HERC2: variants seen among roughly 807,000 people sequenced by gnomAD.
HERC2 encodes the protein HECT and RLD domain containing E3 ubiquitin protein ligase 2.
In HERC2, 102 loss-of-function variants were observed where a neutral mutation model predicts 537.7. That is an observed-to-expected ratio of 0.19 (90% CI 0.16 to 0.22). HERC2 has a LOEUF of 0.22. Ranked by LOEUF, HERC2 falls within the 10% of genes least tolerant of loss-of-function variation. HERC2 has a pLI of 1.00. For synonymous variants in HERC2, 2,224 were observed against 2,466.2 expected (o/e 0.90, Z 2.91); for missense variants, 4,236 against 6,198.2 (o/e 0.68, Z 10.63).
chr15:28,120,305 T>C (rs188973574), intron 86 of HERC2, among the ~76,000 whole-genome samples: 211 of 152,364 alleles, frequency 1.4e-3, no homozygotes, highest in African/African-American at 4.9e-3. Flanking sequence ...GTTTCGTGTC[T>C]TAATTCAAAA....
At chr15:28,201,864 T>A (rs185307537) in intron 47 of HERC2, among the ~76,000 whole-genome samples, 87 of 152,272 alleles carry the variant, frequency 5.7e-4, no homozygotes, top group Admixed American at 1.5e-3. Context: ...CTACCGAAGA[T>A]CATGAGATGT....
chr15:28,115,527 T>G lies in HERC2; in HGVS notation c.13624A>C (p.Ile4542Leu). 6.2e-7 allele frequency: 1 copy of G among 1,613,682 alleles called. No individual in the cohort carries two copies. The highest frequency in any genetic ancestry group is 2.2e-5 in the East Asian group (1 of 44,842). Residue 4542 changes from isoleucine (I) to leucine (L), a missense_variant, in exon 89 of 93, where the codon ATT becomes CTT. Physicochemically the swap from Ile to Leu is conservative, Grantham distance 5. Transcript: ENST00000261609. Reference protein sequence around the residue: ...MFRFLGVLLGIAIRTGSPLSL... With the variant: ...MFRFLGVLLGLAIRTGSPLSL... The stretch of plus-strand genomic sequence containing the variant: ...AGGGGACTCCCGGTTCGGATGGCAA[T>G]GCCCAGCAACACACCTGATCATTCA...
chr15:28,157,276 A>C (rs2142385569), intron 69 of HERC2, among the ~76,000 whole-genome samples: 1 of 152,244 alleles, frequency 6.6e-6, no homozygotes, highest in Non-Finnish European at 1.5e-5. Context: ...GTTAGGGAGG[A>C]TTCCCTCTTT....
chr15:28,248,283 A>G (rs1300409894), intron 21 of HERC2, among the ~76,000 whole-genome samples: 1 of 152,228 alleles, frequency 6.6e-6, no homozygotes, highest in Non-Finnish European at 1.5e-5. Context: ...CAAATCTGAT[A>G]AATCTTCTGT....
At chr15:28,209,940 C>CCTT (rs1293245154) in intron 44 of HERC2, among the ~76,000 whole-genome samples, 1 of 77,344 alleles carries the variant, frequency 1.3e-5, no homozygotes, top group Non-Finnish European at 2.2e-5. Context: ...AATACATTAT[C>CCTT]TTTTTTTTTT....
chr15:28,144,015 T>C, intron 73 of HERC2, 24 bp from the exon 74 acceptor site: 13 of 1,614,126 alleles, frequency 8.1e-6, no homozygotes, highest in Non-Finnish European at 1.1e-5. Context: ...AGAGAAAGTA[T>C]CAGAAGTCTG....
chr15:28,244,365 G>A (rs147927194), intron 23 of HERC2, among the ~76,000 whole-genome samples: 1 of 152,242 alleles, frequency 6.6e-6, no homozygotes, highest in Admixed American at 6.5e-5. Context: ...TGAAGTCCGA[G>A]AACAGACAGA....
At chr15:28,127,391 C>T (rs1464575231) in intron 83 of HERC2, among the ~76,000 whole-genome samples, 3 of 152,094 alleles carry the variant, frequency 2.0e-5, no homozygotes, top group South Asian at 2.1e-4. Context: ...GTGGCCAAAT[C>T]GCCAGAAAAG....
Position 28,245,888 on chromosome 15 carries a change from G to C in HERC2, c.3570C>G (p.Gly1190=). 1 of 1,613,662 alleles carries C rather than the reference G, an allele frequency of 6.2e-7. No homozygotes were observed. The highest frequency in any genetic ancestry group is 1.3e-5 in the African/African-American group (1 of 75,012). Residue 1190 remains glycine (G), a synonymous_variant, in exon 23 of 93, where the codon GGC becomes GGG. Coordinates refer to ENST00000261609, the MANE Select transcript of HERC2 (RefSeq NM_004667.6). ...RDDHEELAWP[G]IMESFFTGQN... is the part of the protein sequence containing the mutation. ...TCCTTTAAGACGCCGTACCCATTATGCCAGGCCAGGCTAACTCTTCATGAT... is the reference window on the plus strand; with the variant it reads ...TCCTTTAAGACGCCGTACCCATTATCCCAGGCCAGGCTAACTCTTCATGAT...
chr15:28,171,006 C>T (rs1894640250), intron 65 of HERC2, among the ~76,000 whole-genome samples: 1 of 152,230 alleles, frequency 6.6e-6, no homozygotes, highest in Non-Finnish European at 1.5e-5. Context: ...AAAACTGGAT[C>T]ATCCTCCACT....
intron 69 of HERC2, among the ~76,000 whole-genome samples, chr15:28,160,878 C>T (rs1893528353): frequency 6.6e-6 from 1 of 152,166 alleles, no homozygotes; most frequent in Non-Finnish European, 1.5e-5. Context: ...TTGGCACCGC[C>T]CCCCGCTCAG....
chr15:28,175,400 C>T (rs1274989715), intron 64 of HERC2, 112 bp downstream of exon 64: 5 of 1,054,528 alleles, frequency 4.7e-6, no homozygotes, highest in African/African-American at 4.7e-5. Context: ...AGCAGTAAGA[C>T]TCAGCTGATT....
chr15:28,275,395 G>A (rs2075844533), intron 5 of HERC2, among the ~76,000 whole-genome samples: 1 of 152,188 alleles, frequency 6.6e-6, no homozygotes, highest in Admixed American at 6.5e-5. Flanking sequence ...AGCCGCAGAG[G>A]GTAGCCTGGC....
In HERC2 at chr15:28,228,279, G is replaced by C; in HGVS notation, c.5403C>G (p.Asn1801Lys). 1 of 1,613,344 alleles carries C rather than the reference G, an allele frequency of 6.2e-7. No homozygotes were observed. The highest frequency in any genetic ancestry group is 8.5e-7 in the Non-Finnish European group (1 of 1,179,880). Residue 1801 changes from asparagine (N) to lysine (K), a missense_variant, in exon 35 of 93, where the codon AAC becomes AAG. By Grantham distance (94) the Asn-to-Lys change is moderately conservative. This residue lies in a region of HERC2 where 343 missense variants were observed against 417.2 expected (regional missense o/e 0.82). Coordinates refer to ENST00000261609, the MANE Select transcript of HERC2 (RefSeq NM_004667.6). The part of the protein sequence containing the change: ...SMLTLQHGAN[N>K]LDLLLNSGML... The stretch of plus-strand genomic sequence containing the variant: ...TGCCGGAATTGAGCAGAAGGTCGAG[G>C]TTGTTTGCGCCGTGCTGCAGGGTGA...
chr15:28,302,614 T>C (rs1467449828), intron 2 of HERC2, among the ~76,000 whole-genome samples: 1 of 117,794 alleles, frequency 8.5e-6, no homozygotes, highest in East Asian at 2.4e-4. Flanking sequence ...TGTGCTAATT[T>C]ACATTCCCAC....
intron 9 of HERC2, 70 bp from the exon 10 acceptor site, chr15:28,270,938 C>T (rs8039195): frequency 0.78 from 1,063,517 of 1,370,128 alleles, 438,843 homozygotes; most frequent in Non-Finnish European, 0.86. Context: ...TTAACCTTTA[C>T]CCACGCTTTA....
Position 28,176,911 on chromosome 15 carries a change from G to A in HERC2, c.9432+39C>T. ...TTATTTTCTCTTGACATCTTCAGAT[G>A]GTAAGCTTTCTGCAAGCAACAAAAA... On this transcript the variant is annotated intron_variant, in intron 61 of 92. Coordinates refer to ENST00000261609, the MANE Select transcript of HERC2 (RefSeq NM_004667.6). This position sits in a 1 kb window ranked among gnomAD's most constrained non-coding sequence, Gnocchi z 5.0. 1 of 1,596,152 alleles carries A rather than the reference G, an allele frequency of 6.3e-7. No homozygotes were observed. The highest frequency in any genetic ancestry group is 1.3e-5 in the African/African-American group (1 of 74,624).
intron 79 of HERC2, among the ~76,000 whole-genome samples, chr15:28,134,082 G>A (rs1174082485): frequency 6.6e-6 from 1 of 152,134 alleles, no homozygotes; most frequent in Non-Finnish European, 1.5e-5. Flanking sequence ...TAACAATACT[G>A]ACTCTTCTGC....
chr15:28,266,693 TTA>T (rs2075577078), intron 12 of HERC2, among the ~76,000 whole-genome samples: 1 of 152,138 alleles, frequency 6.6e-6, no homozygotes, highest in Non-Finnish European at 1.5e-5. Flanking sequence ...TATGGCTTTG[TTA>T]TATTAAATTA....
Sources: allele counts gnomAD v4.1 joint callset (sites outside exome capture counted in the v4.1 genomes callset), GRCh38; gene constraint gnomAD v4.1.1; regional missense constraint gnomAD v4.1.1; non-coding constraint Gnocchi (gnomAD v3.1); transcripts MANE v1.5; gene names NCBI Gene and HGNC (gene_info 2026-07-23, HGNC 2026-07-21).